SNX29: variants seen among roughly 807,000 people sequenced by gnomAD.
SNX29 encodes sorting nexin-29.
A neutral mutation model predicts 102.1 loss-of-function variants in SNX29; 78 were observed. The ratio of observed to expected loss-of-function variants is 0.76; its 90% CI spans 0.64 to 0.92. SNX29 has a LOEUF of 0.92. Among genes scored for constraint, SNX29 ranks in the 40% least tolerant of loss-of-function variants. The pLI, the probability that SNX29 is intolerant of heterozygous loss-of-function variation, is 0.00. For synonymous variants in SNX29, 580 were observed against 414.5 expected (o/e 1.40, Z -4.85); for missense variants, 1,280 against 1,061.7 (o/e 1.21, Z -2.86).
chr16:12,570,164 C>CG lies in SNX29; in HGVS notation c.*1535_*1536insG. ...GAGATCACTCACACACAGCGCCCCC[C>CG]CACCCCAGAGAAACCGAGTCAGCCT... On this transcript the variant is annotated 3_prime_UTR_variant, in exon 21 of 21. Transcript: ENST00000566228. 1 of 1,065,334 alleles carries CG rather than the reference C, an allele frequency of 9.4e-7. No homozygotes were observed. The highest frequency in any genetic ancestry group is 1.1e-6 in the Non-Finnish European group (1 of 879,166). The allele number at this position is 1,065,334 out of a possible 1,614,324, so 66.0% of individuals were successfully genotyped here. A position where few individuals can be genotyped will look rare whatever the true frequency, so the allele number is the denominator to read the frequency against.
At chr16:12,538,806 C>T (rs1236132548) in intron 20 of SNX29, among the ~76,000 whole-genome samples, 1 of 152,120 alleles carries the variant, frequency 6.6e-6, no homozygotes, top group Non-Finnish European at 1.5e-5. Context: ...AAGGCAGAAA[C>T]CAGAGTCAGT....
intron 19 of SNX29, among the ~76,000 whole-genome samples, chr16:12,487,386 C>T (rs549246403): frequency 3.9e-5 from 6 of 152,100 alleles, no homozygotes; most frequent in African/African-American, 1.2e-4. Context: ...CCAGACACAC[C>T]GGGAACTTTG....
chr16:12,518,666 A>C (rs1182119984), intron 19 of SNX29, among the ~76,000 whole-genome samples: 1 of 152,048 alleles, frequency 6.6e-6, no homozygotes, highest in Non-Finnish European at 1.5e-5. Context: ...TGCACATTTA[A>C]ACTCCTCGAG....
intron 14 of SNX29, among the ~76,000 whole-genome samples, chr16:12,245,068 T>C (rs1236677578): frequency 6.6e-6 from 1 of 152,180 alleles, no homozygotes; most frequent in Non-Finnish European, 1.5e-5. Context: ...TAGAAAACAT[T>C]GATTCCCCGC....
At chr16:12,443,060 G>T in intron 18 of SNX29, 1 of 455,726 alleles carries the variant, frequency 2.2e-6, no homozygotes, top group Non-Finnish European at 4.4e-6. Flanking sequence ...CAGGCCAGGC[G>T]TCCAGCCTGG....
intron 14 of SNX29, among the ~76,000 whole-genome samples, chr16:12,218,806 G>A (rs1003675351): frequency 1.3e-5 from 2 of 151,854 alleles, no homozygotes; most frequent in African/African-American, 4.8e-5. Flanking sequence ...ACACAGTCTC[G>A]CTTTGTTGCC....
intron 15 of SNX29, among the ~76,000 whole-genome samples, chr16:12,334,639 T>C (rs906665863): frequency 6.6e-6 from 1 of 152,154 alleles, no homozygotes; most frequent in African/African-American, 2.4e-5. Context: ...GTTTTTAGGA[T>C]TGAATTTATT....
intron 20 of SNX29, among the ~76,000 whole-genome samples, chr16:12,562,882 G>C (rs189080613): frequency 1.3e-5 from 2 of 152,114 alleles, no homozygotes; most frequent in Non-Finnish European, 2.9e-5. Context: ...GTCATTTCTA[G>C]TTTTGGGAAT....
At chr16:12,119,778 G>A (rs2053895563) in intron 11 of SNX29, among the ~76,000 whole-genome samples, 1 of 152,226 alleles carries the variant, frequency 6.6e-6, no homozygotes, top group Non-Finnish European at 1.5e-5. Flanking sequence ...GCCACTTCCT[G>A]GCTGTGTGGC....
intron 15 of SNX29, among the ~76,000 whole-genome samples, chr16:12,309,196 G>A (rs2080449503): frequency 6.6e-6 from 1 of 152,210 alleles, no homozygotes; most frequent in South Asian, 2.1e-4. Flanking sequence ...ATCAGGGTCT[G>A]TTTGAGTTGG....
chr16:12,021,400 T>C (rs2057015983), intron 3 of SNX29, among the ~76,000 whole-genome samples: 1 of 151,498 alleles, frequency 6.6e-6, no homozygotes, highest in Non-Finnish European at 1.5e-5. Flanking sequence ...CACTCCATTT[T>C]GGGCAACAGA....
intron 11 of SNX29, among the ~76,000 whole-genome samples, chr16:12,094,846 G>A (rs906376355): frequency 9.9e-5 from 15 of 152,094 alleles, no homozygotes; most frequent in African/African-American, 3.4e-4. Flanking sequence ...TCCAGGAACC[G>A]TATTTTGTCT....
chr16:12,367,080 C>G (rs1024090918), intron 16 of SNX29: 3 of 152,296 alleles, frequency 2.0e-5, no homozygotes, highest in Non-Finnish European at 4.4e-5. Context: ...TTGTGAGGGT[C>G]CCTGTGGAGT....
chr16:12,036,728 C>T (rs564313035), intron 4 of SNX29, among the ~76,000 whole-genome samples: 5 of 152,170 alleles, frequency 3.3e-5, no homozygotes, highest in Middle Eastern at 3.4e-3. Flanking sequence ...CCCCTCACCC[C>T]GCATGGCTGT....
rs536762395 is a variant in SNX29 at position 12,396,435 on chromosome 16, A to C, written c.1900-2011A>C. Among the ~76,000 whole-genome samples, 25 of 152,266 alleles carry C rather than the reference A, an allele frequency of 1.6e-4. No individual in the cohort carries two copies. In the South Asian group the frequency reaches 5.2e-3, roughly 32 times the overall value. ...AAAGGCGGTGGCGATTGTGTGTAGCAGTGGAGCTGGTGTCCTGATGGCTTG... is the reference window on the plus strand; with the variant it reads ...AAAGGCGGTGGCGATTGTGTGTAGCCGTGGAGCTGGTGTCCTGATGGCTTG... On this transcript the variant is annotated intron_variant, in intron 16 of 20. Coordinates refer to ENST00000566228, the MANE Select transcript of SNX29 (RefSeq NM_032167.5).
chr16:12,409,478 G>C (rs1426287215), intron 18 of SNX29, among the ~76,000 whole-genome samples: 1 of 144,718 alleles, frequency 6.9e-6, no homozygotes, highest in Non-Finnish European at 1.5e-5. Context: ...ACCCAGGCTG[G>C]AGTGAAGTGG....
intron 19 of SNX29, among the ~76,000 whole-genome samples, chr16:12,522,340 C>T (rs201265797): frequency 6.6e-6 from 1 of 152,006 alleles, no homozygotes; most frequent in African/African-American, 2.4e-5. Context: ...AAAGGTGCCT[C>T]TCAAGAAAGA....
At chr16:12,548,203 C>G (rs34295513) in intron 20 of SNX29, among the ~76,000 whole-genome samples, 37,274 of 152,154 alleles carry the variant, frequency 0.24, 5,103 homozygotes, top group East Asian at 0.52. Context: ...GCGCCTCCCA[C>G]AAGGCCACGC....
At chr16:12,118,312 C>CTT (rs2053821296) in intron 11 of SNX29, among the ~76,000 whole-genome samples, 1 of 70,804 alleles carries the variant, frequency 1.4e-5, no homozygotes, top group African/African-American at 6.0e-5. Flanking sequence ...ATACAGACCA[C>CTT]CTTTTTTTTT....
Sources: allele counts gnomAD v4.1 joint callset (sites outside exome capture counted in the v4.1 genomes callset), GRCh38; gene constraint gnomAD v4.1.1; transcripts MANE v1.5; gene names NCBI Gene and HGNC (gene_info 2026-07-23, HGNC 2026-07-21).